TCF12: variants seen among roughly 807,000 people sequenced by gnomAD.
The protein encoded by TCF12 is DNA-binding protein HTF4.
In TCF12, 45 loss-of-function variants were observed where a neutral mutation model predicts 86.0. The observed-to-expected ratio is 0.52, with a 90% CI of 0.41 to 0.67. TCF12 has a LOEUF of 0.67. Ranked by LOEUF, TCF12 falls within the 30% of genes least tolerant of loss-of-function variation. The probability of loss-of-function intolerance (pLI) is 0.00; values close to 1 mark genes in which losing one functional copy is unlikely to be tolerated. For synonymous variants in TCF12, 330 were observed against 299.6 expected, an observed-to-expected ratio of 1.10 and a Z score of -1.05; for missense variants, 881 against 859.9, an observed-to-expected ratio of 1.02 and a Z score of -0.31.
intron 16 of TCF12, among the ~76,000 whole-genome samples, chr15:57,258,529 A>C (rs1266735693): frequency 6.6e-6 from 1 of 152,214 alleles, no homozygotes; most frequent in East Asian, 1.9e-4. Context: ...AGCTTGATGC[A>C]GATCTAAACA....
intron 3 of TCF12, among the ~76,000 whole-genome samples, chr15:56,987,144 CTT>C (rs1199815369): frequency 6.6e-6 from 1 of 151,690 alleles, no homozygotes; most frequent in African/African-American, 2.4e-5. Context: ...GAGTTTCGCT[CTT>C]GTTGCCCAGG....
Position 57,263,167 on chromosome 15 carries a change from C to T in TCF12, c.1638C>T (p.Asn546=), listed in dbSNP as rs114632960. 1,142 of 1,612,876 alleles carry T rather than the reference C, an allele frequency of 7.1e-4. 4 individuals carry two copies. In the African/African-American group the frequency reaches 0.013, roughly 19 times the overall value. Residue 546 remains asparagine (N), a synonymous_variant, in exon 18 of 21, where the codon AAC becomes AAT. Transcript: ENST00000333725. ...TTACAACAGAAATCAAGACTGAAAA[C>T]AAAGAAAAGGATGAAAACCTTCATG... The part of the protein sequence containing the change: ...TVVTTEIKTE[N]KEKDENLHEP...
chr15:57,169,252 A>G (rs2055128097), intron 6 of TCF12, among the ~76,000 whole-genome samples: 1 of 152,212 alleles, frequency 6.6e-6, no homozygotes, highest in Non-Finnish European at 1.5e-5. Flanking sequence ...CTAAGATAGC[A>G]GCTTAGTTAG....
chr15:57,206,633 G>A (rs185514909), intron 8 of TCF12, among the ~76,000 whole-genome samples: 1 of 133,926 alleles, frequency 7.5e-6, no homozygotes. Flanking sequence ...TGTTGCCCAG[G>A]CTGGAGTGCA....
intron 4 of TCF12, among the ~76,000 whole-genome samples, chr15:57,077,073 T>A (rs1479304918): frequency 6.6e-6 from 1 of 152,204 alleles, no homozygotes; most frequent in Non-Finnish European, 1.5e-5. Flanking sequence ...AATCTTGGTA[T>A]CAGGTAGTGT....
chr15:56,931,235 A>T (rs188108711), intron 3 of TCF12, among the ~76,000 whole-genome samples: 1 of 152,122 alleles, frequency 6.6e-6, no homozygotes, highest in Non-Finnish European at 1.5e-5. Flanking sequence ...TTTCAGGCTG[A>T]GTTTTATTCT....
intron 4 of TCF12, among the ~76,000 whole-genome samples, chr15:57,070,102 A>T (rs1375783433): frequency 6.6e-6 from 1 of 152,188 alleles, no homozygotes; most frequent in Non-Finnish European, 1.5e-5. Context: ...TGTCAGTGGA[A>T]AGGGGAAAAC....
intron 19 of TCF12, among the ~76,000 whole-genome samples, chr15:57,275,022 G>C (rs554416130): frequency 4.2e-4 from 64 of 152,262 alleles, no homozygotes; most frequent in African/African-American, 1.5e-3. Flanking sequence ...GGAATTTCCA[G>C]TGGTTCCATG....
At chr15:57,222,254 A>T (rs369469700) in intron 8 of TCF12, among the ~76,000 whole-genome samples, 8 of 147,020 alleles carry the variant, frequency 5.4e-5, no homozygotes, top group Admixed American at 4.8e-4. Context: ...TTTCGAGTTG[A>T]TTGCATATAT....
chr15:57,074,529 C>T (rs1379233561), intron 4 of TCF12, among the ~76,000 whole-genome samples: 1 of 152,110 alleles, frequency 6.6e-6, no homozygotes. Flanking sequence ...TTGTTTGAAA[C>T]AGGGTCTTGC....
At chr15:57,021,250 C>T (rs893421474) in intron 3 of TCF12, among the ~76,000 whole-genome samples, 4 of 152,174 alleles carry the variant, frequency 2.6e-5, no homozygotes, top group African/African-American at 7.2e-5. Flanking sequence ...TGGGGCAGAA[C>T]GTTGATCGTG....
chr15:57,098,489 ACAGAGGAAAG>A (rs1207780148), intron 5 of TCF12, among the ~76,000 whole-genome samples: 4 of 151,962 alleles, frequency 2.6e-5, no homozygotes, highest in Non-Finnish European at 5.9e-5. Context: ...TCTGCCTTTT[ACAGAGGAAAG>A]TACTGTATGG....
At chr15:57,246,400 G>T (rs1254319229) in intron 13 of TCF12, among the ~76,000 whole-genome samples, 2 of 152,122 alleles carry the variant, frequency 1.3e-5, no homozygotes, top group African/African-American at 4.8e-5. Flanking sequence ...AGAAACTCTT[G>T]TCTCAGCTAG....
At chr15:57,202,992 CAAAA>C (rs370730804) in intron 8 of TCF12, among the ~76,000 whole-genome samples, 4 of 151,338 alleles carry the variant, frequency 2.6e-5, no homozygotes, top group African/African-American at 9.7e-5. Context: ...GAAAAGCAAA[CAAAA>C]AAAAGTTTGA....
At chr15:57,112,726 A>C (rs971454365) in intron 5 of TCF12, among the ~76,000 whole-genome samples, 10 of 152,188 alleles carry the variant, frequency 6.6e-5, no homozygotes, top group African/African-American at 2.4e-4. Context: ...TATGTGCTAA[A>C]CACTGTGCTT....
At chr15:57,067,233 A>T (rs73413352) in intron 4 of TCF12, among the ~76,000 whole-genome samples, 7,256 of 152,268 alleles carry the variant, frequency 0.048, 342 homozygotes, top group African/African-American at 0.13. Context: ...ACATAAAAAT[A>T]GACATTGTAC....
At chr15:56,971,268 A>C (rs1472244029) in intron 3 of TCF12, among the ~76,000 whole-genome samples, 1 of 146,350 alleles carries the variant, frequency 6.8e-6, no homozygotes, top group South Asian at 2.2e-4. Context: ...CACTAAAAAC[A>C]AAAAAAAAAA....
chr15:57,172,682 G>A (rs2055598925), intron 6 of TCF12, among the ~76,000 whole-genome samples: 2 of 152,130 alleles, frequency 1.3e-5, no homozygotes, highest in African/African-American at 4.8e-5. Context: ...TTGGGTGCTA[G>A]GCTTACTTCT....
chr15:57,235,756 T>C (rs1241503363), intron 12 of TCF12, among the ~76,000 whole-genome samples: 1 of 152,234 alleles, frequency 6.6e-6, no homozygotes, highest in African/African-American at 2.4e-5. Flanking sequence ...GATAATTTTT[T>C]AAAATTTAAC....
Sources: allele counts gnomAD v4.1 joint callset (sites outside exome capture counted in the v4.1 genomes callset), GRCh38; gene constraint gnomAD v4.1.1; transcripts MANE v1.5; gene names NCBI Gene and HGNC (gene_info 2026-07-23, HGNC 2026-07-21).